PTPRQ: variants seen among roughly 807,000 people sequenced by gnomAD.
The protein encoded by PTPRQ is phosphatidylinositol phosphatase PTPRQ.
A neutral mutation model predicts 246.0 loss-of-function variants in PTPRQ; 199 were observed. That is an observed-to-expected ratio of 0.81 (90% CI 0.72 to 0.91). The LOEUF is 0.91. Ranked by LOEUF, PTPRQ falls within the 40% of genes least tolerant of loss-of-function variation. The pLI is 0.00. For missense variants in PTPRQ, 2,624 were observed against 2,528.4 expected, an observed-to-expected ratio of 1.04 and a Z score of -0.81; for synonymous variants, 869 against 853.2, an observed-to-expected ratio of 1.02 and a Z score of -0.32.
chr12:80,615,085 A>G (rs1243138353), intron 29 of PTPRQ, among the ~76,000 whole-genome samples: 1 of 150,960 alleles, frequency 6.6e-6, no homozygotes, highest in Non-Finnish European at 1.5e-5. Context: ...GCACACTGCA[A>G]TTTCAGAGGC....
At chr12:80,499,162 C>T (rs1223660608) in intron 14 of PTPRQ, among the ~76,000 whole-genome samples, 1 of 151,816 alleles carries the variant, frequency 6.6e-6, no homozygotes, top group Non-Finnish European at 1.5e-5. Context: ...TTACAGGCCT[C>T]ACTTAATAGG....
intron 17 of PTPRQ, among the ~76,000 whole-genome samples, chr12:80,514,402 A>ACACACACACACACACACCCTCT (rs552667526): frequency 8.9e-6 from 1 of 112,980 alleles, no homozygotes; most frequent in African/African-American, 3.2e-5. Flanking sequence ...ACACACACAC[A>ACACACACACACACACACCCTCT]CTCTCTCTCT....
chr12:80,530,215 A>C (rs1769519368), intron 17 of PTPRQ, among the ~76,000 whole-genome samples: 1 of 152,056 alleles, frequency 6.6e-6, no homozygotes, highest in African/African-American at 2.4e-5. Flanking sequence ...GGTCACAACT[A>C]ATTTCTTTGC....
At chr12:80,642,937 A>AAAAAAACAAAC (rs1899935290) in intron 35 of PTPRQ, among the ~76,000 whole-genome samples, 1 of 149,060 alleles carries the variant, frequency 6.7e-6, no homozygotes, top group African/African-American at 2.5e-5. Context: ...AAAAAAAAAA[A>AAAAAAACAAAC]AAAAAAAAAC....
chr12:80,643,110 T>TATC (rs1899947020), intron 35 of PTPRQ, among the ~76,000 whole-genome samples: 2 of 151,816 alleles, frequency 1.3e-5, no homozygotes, highest in South Asian at 4.2e-4. Flanking sequence ...AGGTAATACA[T>TATC]ATCATTTACT....
intron 9 of PTPRQ, among the ~76,000 whole-genome samples, chr12:80,484,970 A>G (rs1894225151): frequency 6.6e-6 from 1 of 152,130 alleles, no homozygotes. Flanking sequence ...AACAGTTGCC[A>G]GTGAAAGGCA....
intron 32 of PTPRQ, among the ~76,000 whole-genome samples, 162 bp downstream of exon 32, chr12:80,620,538 A>G (rs1898942350): frequency 6.6e-6 from 1 of 151,780 alleles, no homozygotes; most frequent in Non-Finnish European, 1.5e-5. Context: ...TAAACTGAAA[A>G]TTATTCTTAC....
At chr12:80,449,851 C>G (rs11114447) in intron 3 of PTPRQ, among the ~76,000 whole-genome samples, 1 of 151,486 alleles carries the variant, frequency 6.6e-6, no homozygotes, top group Non-Finnish European at 1.5e-5. Flanking sequence ...ATTGACTTGG[C>G]GATGTGGGCT....
At chr12:80,467,587 G>A (rs182002305) in intron 6 of PTPRQ, among the ~76,000 whole-genome samples, 3 of 152,240 alleles carry the variant, frequency 2.0e-5, no homozygotes, top group African/African-American at 7.2e-5. Context: ...ATTCACAATA[G>A]CAAAGACTTG....
chr12:80,672,875 AT>A (rs1901014944), intron 42 of PTPRQ, among the ~76,000 whole-genome samples: 1 of 152,026 alleles, frequency 6.6e-6, no homozygotes, highest in African/African-American at 2.4e-5. Flanking sequence ...TTTTAAAAAA[AT>A]CTCTATACTT....
At chr12:80,604,247 A>C (rs1592707656) in intron 26 of PTPRQ, among the ~76,000 whole-genome samples, 1 of 151,674 alleles carries the variant, frequency 6.6e-6, no homozygotes, top group South Asian at 2.1e-4. Context: ...CCAGGAGGAC[A>C]GAGGTGTGTG....
intron 13 of PTPRQ, 33 bp downstream of exon 13, chr12:80,496,139 A>T (rs781152378): frequency 1.5e-4 from 230 of 1,543,438 alleles, no homozygotes; most frequent in South Asian, 2.3e-4. Context: ...TAATTTTTTT[A>T]AAAAAGTGGT....
chr12:80,473,218 A>G (rs1893709699), intron 8 of PTPRQ, among the ~76,000 whole-genome samples: 1 of 152,218 alleles, frequency 6.6e-6, no homozygotes, highest in Non-Finnish European at 1.5e-5. Context: ...ATTTCAGATG[A>G]AAATCCTGAC....
At chr12:80,633,631 C>T (rs549627931) in intron 34 of PTPRQ, among the ~76,000 whole-genome samples, 1 of 152,328 alleles carries the variant, frequency 6.6e-6, no homozygotes, top group East Asian at 1.9e-4. Context: ...TTCATCTTGA[C>T]TCTCTTAAAG....
chr12:80,645,460 A>C (rs1032099978), intron 35 of PTPRQ, among the ~76,000 whole-genome samples: 1 of 151,882 alleles, frequency 6.6e-6, no homozygotes, highest in Admixed American at 6.6e-5. Flanking sequence ...CTTTCTGTGT[A>C]TCTTAATCTG....
At chr12:80,594,803 T>A (rs962554945) in intron 26 of PTPRQ, among the ~76,000 whole-genome samples, 11 of 152,174 alleles carry the variant, frequency 7.2e-5, no homozygotes, top group Non-Finnish European at 1.2e-4. Flanking sequence ...TGTCTCTAAA[T>A]CCAGACTTTT....
At chr12:80,461,287 C>T (rs989155798) in intron 6 of PTPRQ, among the ~76,000 whole-genome samples, 1 of 152,146 alleles carries the variant, frequency 6.6e-6, no homozygotes, top group Non-Finnish European at 1.5e-5. Context: ...GCAGAACGAG[C>T]ATGTGATCAA....
chr12:80,669,616 C>T (rs918598847), intron 41 of PTPRQ, among the ~76,000 whole-genome samples, 152 bp downstream of exon 41: 7 of 152,034 alleles, frequency 4.6e-5, no homozygotes, highest in East Asian at 3.9e-4. Flanking sequence ...AATTTTGAAT[C>T]GATATCCAAC....
At chr12:80,572,396 G>A (rs1897169431) in intron 25 of PTPRQ, among the ~76,000 whole-genome samples, 1 of 151,636 alleles carries the variant, frequency 6.6e-6, no homozygotes, top group Non-Finnish European at 1.5e-5. Context: ...CTTAGTTCTG[G>A]AATGTTAAAA....
Sources: allele counts gnomAD v4.1 joint callset (sites outside exome capture counted in the v4.1 genomes callset), GRCh38; gene constraint gnomAD v4.1.1; transcripts MANE v1.5; gene names NCBI Gene and HGNC (gene_info 2026-07-23, HGNC 2026-07-21).